PDE3A: variants seen among roughly 807,000 people sequenced by gnomAD.
The protein encoded by PDE3A is phosphodiesterase 3A.
In PDE3A, 43 loss-of-function variants were observed where a neutral mutation model predicts 98.3. That is an observed-to-expected ratio of 0.44 (90% CI 0.34 to 0.56). The LOEUF (loss-of-function observed/expected upper bound fraction) is 0.56, where lower values mean the gene tolerates loss of function less well. Ranked by LOEUF, PDE3A falls within the 20% of genes least tolerant of loss-of-function variation. The probability of loss-of-function intolerance (pLI) is 0.01; values close to 1 mark genes in which losing one functional copy is unlikely to be tolerated. For missense variants in PDE3A, 1,427 were observed against 1,440.7 expected, an observed-to-expected ratio of 0.99 and a Z score of 0.15; for synonymous variants, 663 against 567.9, an observed-to-expected ratio of 1.17 and a Z score of -2.38.
chr12:20,498,934 G>A (rs1197724856), intron 1 of PDE3A, among the ~76,000 whole-genome samples: 1 of 152,108 alleles, frequency 6.6e-6, no homozygotes, highest in Non-Finnish European at 1.5e-5. Flanking sequence ...TAAAGTCATT[G>A]ATGCCTCAAA....
chr12:20,537,071 T>G (rs79782365), intron 1 of PDE3A, among the ~76,000 whole-genome samples: 2,725 of 152,180 alleles, frequency 0.018, 77 homozygotes, highest in African/African-American at 0.061. Context: ...TATGTGTGTG[T>G]TTTAAAAATG....
rs145425017 is a variant in PDE3A at position 20,570,291 on chromosome 12, C to T, written c.1011+13581C>T. Among the ~76,000 whole-genome samples, 9 of 151,204 alleles carry T rather than the reference C, an allele frequency of 6.0e-5. No individual in the cohort carries two copies. In the East Asian group the frequency reaches 1.8e-3, roughly 30 times the overall value. ...AATGTGATGGTGCATACCTGTAATC[C>T]CAGCTACTCGGAAGGCTGAGGCAGG... On this transcript the variant is annotated intron_variant, in intron 2 of 15. Coordinates refer to ENST00000359062, the MANE Select transcript of PDE3A (RefSeq NM_000921.5).
At chr12:20,521,596 A>C (rs1388400765) in intron 1 of PDE3A, among the ~76,000 whole-genome samples, 1 of 152,204 alleles carries the variant, frequency 6.6e-6, no homozygotes, top group Non-Finnish European at 1.5e-5. Flanking sequence ...AAGTTTTGAG[A>C]TAAATTATTT....
intron 1 of PDE3A, among the ~76,000 whole-genome samples, chr12:20,484,381 A>T (rs1234565494): frequency 2.0e-5 from 3 of 152,166 alleles, no homozygotes; most frequent in African/African-American, 7.2e-5. Flanking sequence ...CCCATTTGTA[A>T]TAAAAACAGA....
intron 1 of PDE3A, among the ~76,000 whole-genome samples, chr12:20,505,958 T>C (rs1047382062): frequency 6.6e-6 from 1 of 152,020 alleles, no homozygotes; most frequent in African/African-American, 2.4e-5. Context: ...CATATTCCAG[T>C]GTCTGCTAAC....
chr12:20,525,465 G>A (rs6487103), intron 1 of PDE3A, among the ~76,000 whole-genome samples: 29,722 of 139,630 alleles, frequency 0.21, 3,754 homozygotes, highest in East Asian at 0.56. Context: ...TTCTGATTTG[G>A]TTGGGGGGGG....
chr12:20,380,782 AT>A (rs1943650336), intron 1 of PDE3A, among the ~76,000 whole-genome samples: 1 of 151,872 alleles, frequency 6.6e-6, no homozygotes, highest in African/African-American at 2.4e-5. Flanking sequence ...ACTTAAAAAA[AT>A]CTCCATATGG....
intron 15 of PDE3A, among the ~76,000 whole-genome samples, chr12:20,669,026 C>T (rs1011847355): frequency 4.0e-5 from 6 of 151,112 alleles, no homozygotes; most frequent in African/African-American, 1.5e-4. Flanking sequence ...AGCTGAAAAC[C>T]AAGGCTCGAG....
At chr12:20,640,838 T>C (rs572365290) in intron 10 of PDE3A, among the ~76,000 whole-genome samples, 2 of 151,868 alleles carry the variant, frequency 1.3e-5, no homozygotes, top group South Asian at 4.2e-4. Context: ...AATAAATATA[T>C]AGAAAGAAAA....
intron 14 of PDE3A, among the ~76,000 whole-genome samples, chr12:20,652,861 A>C (rs537924922): frequency 6.6e-6 from 1 of 152,346 alleles, no homozygotes; most frequent in African/African-American, 2.4e-5. Flanking sequence ...TCTGCACAGC[A>C]AAAGAAACTA....
rs149569478 is a variant in PDE3A, at chr12:20,675,499, G to A, written c.3185-4531G>A. On this transcript the variant is annotated intron_variant, in intron 15 of 15. Coordinates refer to ENST00000359062, the MANE Select transcript of PDE3A (RefSeq NM_000921.5). ...CTAGATGAGCTGTCTGGTTCTGAGA[G>A]TGGGATGTTGAATTCCTCAACTATT... 4.5e-4 allele frequency among the ~76,000 whole-genome samples: 69 copies of A among 152,336 alleles called. 1 individual carries two copies. The East Asian group carries it at 0.013, about 28-fold the overall frequency.
chr12:20,526,884 CTGTGTGTGTGTGTGTGTG>C (rs71039949), intron 1 of PDE3A, among the ~76,000 whole-genome samples: 85 of 136,932 alleles, frequency 6.2e-4, no homozygotes, highest in African/African-American at 7.8e-4. Flanking sequence ...ACATTTTTTT[CTGTGTGTGTGTGTGTGTG>C]TGTGTGTGTG....
At chr12:20,561,124 G>A (rs1195605273) in intron 2 of PDE3A, among the ~76,000 whole-genome samples, 1 of 151,950 alleles carries the variant, frequency 6.6e-6, no homozygotes, top group Non-Finnish European at 1.5e-5. Flanking sequence ...AGCCAGGAGT[G>A]ATGGCATGTG....
intron 1 of PDE3A, among the ~76,000 whole-genome samples, chr12:20,545,358 T>C (rs1942023263): frequency 6.6e-6 from 1 of 152,036 alleles, no homozygotes; most frequent in Non-Finnish European, 1.5e-5. Flanking sequence ...AATATCTGAA[T>C]TTGCCTCTAT....
chr12:20,681,299 A>G lies in PDE3A; in HGVS notation c.*1028A>G, dbSNP rs1459755522. On this transcript the variant is annotated 3_prime_UTR_variant, in exon 16 of 16. Coordinates refer to ENST00000359062, the MANE Select transcript of PDE3A (RefSeq NM_000921.5). ...CATTTAAGGGGATGGCATTCTTTAT[A>G]CCTAAACACCTAAGAGCTGAAGTCA... is the stretch of plus-strand genomic sequence containing the variant. 2 of 152,198 alleles carry G rather than the reference A, an allele frequency of 1.3e-5. No individual in the cohort carries two copies. Among genetic ancestry groups the G allele is most frequent in the Non-Finnish European group, 2.9e-5 (2 of 68,040 alleles). 9.4% of individuals were successfully genotyped at this position (152,198 alleles called of 1,614,324 possible). A position where few individuals can be genotyped will look rare whatever the true frequency, so the allele number is the denominator to read the frequency against.
At chr12:20,649,898 G>T (rs1023853339) in intron 13 of PDE3A, among the ~76,000 whole-genome samples, 8 of 152,140 alleles carry the variant, frequency 5.3e-5, no homozygotes, top group Admixed American at 4.6e-4. Context: ...TGACACTCCA[G>T]CCTGAGAGAG....
intron 1 of PDE3A, among the ~76,000 whole-genome samples, chr12:20,514,740 A>T (rs556329755): frequency 1.3e-5 from 2 of 152,362 alleles, no homozygotes; most frequent in African/African-American, 4.8e-5. Context: ...AGTGAAGCAT[A>T]ATAGAAAGCA....
intron 2 of PDE3A, among the ~76,000 whole-genome samples, chr12:20,591,336 G>A (rs1943335001): frequency 6.6e-6 from 1 of 152,216 alleles, no homozygotes; most frequent in African/African-American, 2.4e-5. Flanking sequence ...GACATGAAAT[G>A]ACAAAGAAGT....
chr12:20,644,748 A>G (rs1830895417), intron 10 of PDE3A, among the ~76,000 whole-genome samples: 1 of 151,856 alleles, frequency 6.6e-6, no homozygotes, highest in Admixed American at 6.6e-5. Context: ...ATTATTACTC[A>G]TATTTACGAT....
Sources: gnomAD v4.1 joint callset for allele counts (sites outside exome capture counted in the v4.1 genomes callset) on GRCh38, gnomAD v4.1.1 for gene constraint, MANE v1.5 for transcripts, NCBI Gene and HGNC (gene_info 2026-07-23, HGNC 2026-07-21) for gene names.